SLCO3A1: variants seen among roughly 807,000 people sequenced by gnomAD.
SLCO3A1 encodes solute carrier organic anion transporter family member 3A1, also known as PGE1 transporter.
In SLCO3A1, 27 loss-of-function variants were observed where a neutral mutation model predicts 63.1. The ratio of observed to expected loss-of-function variants is 0.43; its 90% CI spans 0.32 to 0.59. The LOEUF (loss-of-function observed/expected upper bound fraction) is 0.59, where lower values mean the gene tolerates loss of function less well. Among genes scored for constraint, SLCO3A1 ranks in the 20% least tolerant of loss-of-function variants. The pLI, the probability that SLCO3A1 is intolerant of heterozygous loss-of-function variation, is 0.09. For missense variants in SLCO3A1, 773 were observed against 945.8 expected (o/e 0.82, Z 2.40); for synonymous variants, 473 against 409.9 (o/e 1.15, Z -1.86).
chr15:92,053,559 G>C (rs1439784412), intron 2 of SLCO3A1, among the ~76,000 whole-genome samples: 1 of 152,088 alleles, frequency 6.6e-6, no homozygotes, highest in Non-Finnish European at 1.5e-5. Flanking sequence ...GGCTCCTTTG[G>C]CTCCTCTTGG....
At chr15:92,000,058 A>G (rs2046235094) in intron 2 of SLCO3A1, among the ~76,000 whole-genome samples, 2 of 152,202 alleles carry the variant, frequency 1.3e-5, no homozygotes, top group Non-Finnish European at 2.9e-5. Flanking sequence ...CATTTGAATA[A>G]CTTAATGTTG....
intron 1 of SLCO3A1, among the ~76,000 whole-genome samples, chr15:91,913,805 C>T (rs965827103): frequency 6.6e-5 from 10 of 152,128 alleles, no homozygotes; most frequent in Admixed American, 2.6e-4. Flanking sequence ...TAGACACACC[C>T]GGTTGGTCAG....
chr15:91,959,723 CA>C (rs34759500), intron 2 of SLCO3A1, among the ~76,000 whole-genome samples: 23,277 of 71,846 alleles, frequency 0.32, 1,362 homozygotes, highest in East Asian at 0.41. Flanking sequence ...GACTCCATCT[CA>C]AAAAAAAAAA....
chr15:91,995,317 C>G (rs2046177749), intron 2 of SLCO3A1, among the ~76,000 whole-genome samples: 1 of 152,126 alleles, frequency 6.6e-6, no homozygotes, highest in Admixed American at 6.5e-5. Context: ...GCTTAGTGTC[C>G]TTGCATGTAA....
chr15:92,143,843 CT>C (rs938015861), intron 7 of SLCO3A1, among the ~76,000 whole-genome samples: 8 of 152,216 alleles, frequency 5.3e-5, no homozygotes, highest in South Asian at 2.1e-4. Flanking sequence ...CTAGACGCCC[CT>C]GGCACAGGTG....
chr15:91,879,151 C>T (rs956323439), intron 1 of SLCO3A1, among the ~76,000 whole-genome samples: 7 of 152,154 alleles, frequency 4.6e-5, no homozygotes, highest in Non-Finnish European at 7.3e-5. Context: ...ATAGAGTAAT[C>T]GGATAGGCCA....
intron 2 of SLCO3A1, among the ~76,000 whole-genome samples, chr15:92,087,447 G>A (rs1369488463): frequency 6.6e-6 from 1 of 151,804 alleles, no homozygotes; most frequent in Non-Finnish European, 1.5e-5. Flanking sequence ...GCATTTCTAT[G>A]AACAATTTAG....
intron 5 of SLCO3A1, among the ~76,000 whole-genome samples, chr15:92,122,321 G>T (rs1425592382): frequency 6.6e-6 from 1 of 152,216 alleles, no homozygotes; most frequent in Non-Finnish European, 1.5e-5. Flanking sequence ...GTAGGAGTCA[G>T]ATTGTCTGCT....
chr15:91,996,404 A>T (rs2046192261), intron 2 of SLCO3A1, among the ~76,000 whole-genome samples: 1 of 150,764 alleles, frequency 6.6e-6, no homozygotes, highest in Admixed American at 6.6e-5. Context: ...TATCATAAAC[A>T]TTTTTTTTTG....
chr15:92,043,346 CAG>C (rs1381911954), intron 2 of SLCO3A1, among the ~76,000 whole-genome samples: 29 of 152,186 alleles, frequency 1.9e-4, no homozygotes, highest in Non-Finnish European at 8.8e-5. Context: ...TGAAAACAAA[CAG>C]GGGCCAAACA....
At chr15:92,058,958 C>G (rs574119598) in intron 2 of SLCO3A1, among the ~76,000 whole-genome samples, 1 of 152,196 alleles carries the variant, frequency 6.6e-6, no homozygotes, top group South Asian at 2.1e-4. Flanking sequence ...GTATTTAGAG[C>G]CTATCCTGAG....
chr15:91,889,460 T>G (rs1341213160), intron 1 of SLCO3A1, among the ~76,000 whole-genome samples: 1 of 152,266 alleles, frequency 6.6e-6, no homozygotes, highest in Non-Finnish European at 1.5e-5. Flanking sequence ...TACATTAGTC[T>G]GAGGCTCTGT....
chr15:91,925,570 G>A (rs1898985187), intron 2 of SLCO3A1, among the ~76,000 whole-genome samples: 1 of 151,792 alleles, frequency 6.6e-6, no homozygotes, highest in African/African-American at 2.4e-5. Flanking sequence ...TCCGGGCATG[G>A]TCAATTGTGA....
chr15:91,992,470 C>T (rs944794511), intron 2 of SLCO3A1, among the ~76,000 whole-genome samples: 1 of 152,188 alleles, frequency 6.6e-6, no homozygotes, highest in Non-Finnish European at 1.5e-5. Flanking sequence ...TTCCTTACTA[C>T]TGCATCGTTG....
In SLCO3A1 at chr15:91,859,471, C is replaced by A. The variant is rs1485254460; in HGVS notation, c.180+5383C>A. On this transcript the variant is annotated intron_variant, in intron 1 of 9. Coordinates refer to ENST00000318445, the MANE Select transcript of SLCO3A1 (RefSeq NM_013272.4). The surrounding 1 kb of genome is among the most constrained non-coding windows in gnomAD (Gnocchi z 5.1). The stretch of plus-strand genomic sequence containing the variant: ...TAAGTGTTTATGTGTTAGCATGAGA[C>A]AAATTATTGCTTAATGGTTAAAACT... Among the ~76,000 whole-genome samples, 2 of 152,146 alleles carry A rather than the reference C, an allele frequency of 1.3e-5. No individual in the cohort carries two copies. The highest frequency in any genetic ancestry group is 2.9e-5 in the Non-Finnish European group (2 of 68,034).
chr15:92,070,605 C>G (rs2047203888), intron 2 of SLCO3A1, among the ~76,000 whole-genome samples: 1 of 151,100 alleles, frequency 6.6e-6, no homozygotes, highest in Non-Finnish European at 1.5e-5. Flanking sequence ...GATCAGGCCA[C>G]TACACTCCAG....
At chr15:91,893,313 T>C (rs1464756139) in intron 1 of SLCO3A1, among the ~76,000 whole-genome samples, 2 of 152,230 alleles carry the variant, frequency 1.3e-5, no homozygotes, top group African/African-American at 4.8e-5. Context: ...GTCTGTGTCA[T>C]AGTTGGTTTG....
intron 2 of SLCO3A1, among the ~76,000 whole-genome samples, chr15:91,978,067 C>G (rs899892996): frequency 2.0e-5 from 3 of 152,018 alleles, no homozygotes; most frequent in Non-Finnish European, 2.9e-5. Context: ...AAAATGAATA[C>G]CACCCTGTGC....
intron 2 of SLCO3A1, among the ~76,000 whole-genome samples, chr15:92,049,895 G>A (rs1185684960): frequency 6.6e-6 from 1 of 152,198 alleles, no homozygotes; most frequent in Non-Finnish European, 1.5e-5. Context: ...GCACCTCTTA[G>A]CAAGAGCACA....
Sources: gnomAD v4.1 joint callset for allele counts (sites outside exome capture counted in the v4.1 genomes callset) on GRCh38, gnomAD v4.1.1 for gene constraint, Gnocchi (gnomAD v3.1) non-coding constraint, MANE v1.5 for transcripts, NCBI Gene and HGNC (gene_info 2026-07-23, HGNC 2026-07-21) for gene names.